Variants in SHTN1 observed in about 807,000 individuals in gnomAD.
SHTN1 encodes shootin-1.
A neutral mutation model predicts 83.1 loss-of-function variants in SHTN1; 42 were observed. That is an observed-to-expected ratio of 0.51 (90% CI 0.39 to 0.65). The LOEUF is 0.65. Ranked by LOEUF, SHTN1 falls within the 30% of genes least tolerant of loss-of-function variation. The probability of loss-of-function intolerance (pLI) is 0.00; values close to 1 mark genes in which losing one functional copy is unlikely to be tolerated. For synonymous variants in SHTN1, 224 were observed against 247.7 expected (o/e 0.90, Z 0.90); for missense variants, 622 against 737.8 (o/e 0.84, Z 1.82).
rs1424681813 is a variant in SHTN1 at position 116,996,773 on chromosome 10, G to T, written c.58+8249C>A. 3.9e-5 allele frequency among the ~76,000 whole-genome samples: 6 copies of T among 152,028 alleles called. No individual in the cohort carries two copies. The East Asian group carries it at 1.2e-3, about 29-fold the overall frequency. Reference sequence around the variant, plus strand: ...TTTACCTAAACTAACCTAGTCTCAGGACTAAGAGACTGACTCAATAAGATA... The same window carrying T: ...TTTACCTAAACTAACCTAGTCTCAGTACTAAGAGACTGACTCAATAAGATA... On this transcript the variant is annotated intron_variant, in intron 1 of 16. Transcript: ENST00000355371.
chr10:117,016,772 A>G (rs1205695046), intron 2 of SHTN1, among the ~76,000 whole-genome samples: 3 of 150,064 alleles, frequency 2.0e-5, no homozygotes, highest in Non-Finnish European at 3.0e-5. Flanking sequence ...TTAACATAAG[A>G]AAGGAAGGCT....
At chr10:117,043,647 T>C (rs1161461135) in intron 2 of SHTN1, among the ~76,000 whole-genome samples, 1 of 151,728 alleles carries the variant, frequency 6.6e-6, no homozygotes, top group Admixed American at 6.6e-5. Flanking sequence ...TTGAGACCAG[T>C]CTGGGCAACA....
At chr10:116,980,764 C>A (rs1289464304) in intron 1 of SHTN1, among the ~76,000 whole-genome samples, 1 of 152,106 alleles carries the variant, frequency 6.6e-6, no homozygotes, top group Non-Finnish European at 1.5e-5. Context: ...CATGGTAAAG[C>A]ACATGCCTTG....
rs186411822 is a variant in SHTN1, at chr10:117,109,162, C to G, written c.-189+17145G>C. 3.9e-5 allele frequency among the ~76,000 whole-genome samples: 6 copies of G among 152,132 alleles called. No individual in the cohort carries two copies. The South Asian group carries it at 6.2e-4, about 16-fold the overall frequency. On this transcript the variant is annotated intron_variant, in intron 1 of 17. Coordinates refer to the SHTN1 transcript ENST00000392901. ...GAACAACCTTTGGAAAATACTGATG[C>G]CTTGGTCCCACCCCTAGAATTTCTG...
At chr10:117,048,916 G>T (rs925577814) in intron 1 of SHTN1, among the ~76,000 whole-genome samples, 1 of 152,138 alleles carries the variant, frequency 6.6e-6, no homozygotes, top group African/African-American at 2.4e-5. Context: ...TAAAGGCCTA[G>T]GTGGGAATCT....
chr10:116,888,958 G>A (rs148474825), intron 16 of SHTN1, among the ~76,000 whole-genome samples: 3 of 152,240 alleles, frequency 2.0e-5, no homozygotes, highest in African/African-American at 4.8e-5. Context: ...TCTGCAGATT[G>A]AGTCACCAGT....
intron 16 of SHTN1, among the ~76,000 whole-genome samples, chr10:116,894,217 G>A (rs1564862170): frequency 6.6e-6 from 1 of 152,156 alleles, no homozygotes; most frequent in South Asian, 2.1e-4. Flanking sequence ...ATAAATTTGT[G>A]TGGGGCCAAA....
In SHTN1 at chr10:116,884,252, G is replaced by T. The variant is rs934751124; in HGVS notation, c.*2092C>A. On this transcript the variant is annotated 3_prime_UTR_variant, in exon 17 of 17. Transcript: ENST00000355371. Reference sequence around the variant, plus strand: ...CTTCCTATTTGGGATCCCTTGCTTTGGTTGACAGTGTCACCCCAGCCAGGG... The same window carrying T: ...CTTCCTATTTGGGATCCCTTGCTTTTGTTGACAGTGTCACCCCAGCCAGGG... The T allele has an allele frequency of 3.5e-5, 16 of 458,722 alleles. No individual in the cohort carries two copies. In the Admixed American group the frequency reaches 3.7e-4, roughly 11 times the overall value. The allele number at this position is 458,722 out of a possible 1,614,324, so 28.4% of individuals were successfully genotyped here.
At chr10:116,915,580 TCA>T (rs1284626119) in intron 12 of SHTN1, 96 bp from the exon 13 acceptor site, 1 of 684,072 alleles carries the variant, frequency 1.5e-6, no homozygotes, top group Non-Finnish European at 2.6e-6. Flanking sequence ...ATGCAATTAA[TCA>T]CAGTCATTTT....
At chr10:117,121,188 T>TA (rs1156455283) in intron 1 of SHTN1, among the ~76,000 whole-genome samples, 4 of 152,204 alleles carry the variant, frequency 2.6e-5, no homozygotes, top group African/African-American at 9.6e-5. Flanking sequence ...AAAAATTGTT[T>TA]AAAAAAGATA....
Position 116,882,969 on chromosome 10 carries a change from T to TACACACACACACACAC in SHTN1, c.*3359_*3374dup, listed in dbSNP as rs61072842. ...GGGTGTTCACATACCCTTTGAAAAA[T>TACACACACACACACAC]ACACACACACACACACACACACACA... is the stretch of plus-strand genomic sequence containing the variant. On this transcript the variant is annotated 3_prime_UTR_variant, in exon 17 of 17. Transcript: ENST00000355371. The TACACACACACACACAC allele has an allele frequency of 4.3e-5, 6 of 138,520 alleles. No individual in the cohort carries two copies. The highest frequency in any genetic ancestry group is 2.2e-4 in the Admixed American group (3 of 13,664). The allele number at this position is 138,520 out of a possible 1,614,324, so 8.6% of individuals were successfully genotyped here.
At chr10:116,965,449 G>A (rs1296073009) in intron 3 of SHTN1, among the ~76,000 whole-genome samples, 6 of 152,182 alleles carry the variant, frequency 3.9e-5, no homozygotes, top group Non-Finnish European at 7.3e-5. Context: ...TCCAGGAGGC[G>A]GAGGTCGCAG....
intron 4 of SHTN1, 27 bp downstream of exon 4, chr10:116,960,109 G>A (rs746681897): frequency 7.2e-7 from 1 of 1,392,200 alleles, no homozygotes; most frequent in South Asian, 1.2e-5. Context: ...AAAAGCTCAG[G>A]TAAAATTCCT....
intron 1 of SHTN1, among the ~76,000 whole-genome samples, chr10:117,004,050 G>C (rs539368815): frequency 6.6e-6 from 1 of 151,998 alleles, no homozygotes; most frequent in South Asian, 2.1e-4. Context: ...ACCACGCCCG[G>C]CTAATTTTGT....
rs189414497 is a variant in SHTN1, at chr10:117,065,789, G to A, written c.-188-17279C>T. 4.0e-3 allele frequency among the ~76,000 whole-genome samples: 50 copies of A among 12,604 alleles called. 1 individual carries two copies. Among genetic ancestry groups the A allele is most frequent in the South Asian group, 0.013 (2 of 156 alleles). 8.3% of individuals were successfully genotyped at this position (12,604 alleles called of 152,430 possible). ...GAAAGAAAGAAAGAAAGAAAGGAAGGAAGGAAGGAAGGAAGGAAGGAAGGA... is the reference window on the plus strand; with the variant it reads ...GAAAGAAAGAAAGAAAGAAAGGAAGAAAGGAAGGAAGGAAGGAAGGAAGGA... On this transcript the variant is annotated intron_variant, in intron 1 of 17. Coordinates refer to the SHTN1 transcript ENST00000392901.
Position 116,927,827 on chromosome 10 carries a change from TGGA to T in SHTN1, c.1074_1076del (p.Pro361del). The T allele has an allele frequency of 1.2e-6, 2 of 1,604,766 alleles. No individual in the cohort carries two copies. The highest frequency in any genetic ancestry group is 1.7e-6 in the Non-Finnish European group (2 of 1,175,996). ...TGGGAGGTGGAGGGGGAAGTGGTGGTGGAGGAGGAGGTGGTGGAGGTACTGAAT... is the reference window on the plus strand; with the variant it reads ...TGGGAGGTGGAGGGGGAAGTGGTGGTGGAGGAGGTGGTGGAGGTACTGAAT... On this transcript the variant is annotated inframe_deletion, in exon 11 of 17. Coordinates refer to ENST00000355371, the MANE Select transcript of SHTN1 (RefSeq NM_001127211.3).
intron 3 of SHTN1, among the ~76,000 whole-genome samples, chr10:116,960,629 C>T (rs760635398): frequency 2.8e-4 from 42 of 151,962 alleles, no homozygotes; most frequent in Non-Finnish European, 5.6e-4. Context: ...TAACACATGG[C>T]TCTAATAAGA....
chr10:117,031,041 AAGACT>A (rs1477141314), intron 2 of SHTN1, among the ~76,000 whole-genome samples: 2 of 152,162 alleles, frequency 1.3e-5, no homozygotes, highest in Non-Finnish European at 2.9e-5. Context: ...TAACCTAAAG[AAGACT>A]ACCTCAAGGC....
intron 11 of SHTN1, among the ~76,000 whole-genome samples, chr10:116,924,746 ATTTTTTTTTT>A (rs201343735): frequency 7.8e-5 from 7 of 89,548 alleles, no homozygotes; most frequent in African/African-American, 1.2e-4. Flanking sequence ...ATTTTCACCT[ATTTTTTTTTT>A]TTTTTTTTTT....
Sources: gnomAD v4.1 joint callset for allele counts (sites outside exome capture counted in the v4.1 genomes callset) on GRCh38, gnomAD v4.1.1 for gene constraint, MANE v1.5 for transcripts, NCBI Gene and HGNC (gene_info 2026-07-23, HGNC 2026-07-21) for gene names.